Variants in RAB38 observed in about 807,000 individuals in gnomAD.
The protein encoded by RAB38 is ras-related protein Rab-38.
Under a neutral mutation model 18.4 loss-of-function variants are expected in RAB38, and 15 were observed. The observed-to-expected ratio is 0.82, with a 90% confidence interval of 0.55 to 1.26. The LOEUF (loss-of-function observed/expected upper bound fraction) is 1.26. Among genes scored for constraint, RAB38 ranks in the 50% most tolerant of loss-of-function variants. The probability of loss-of-function intolerance (pLI) is 0.00; values close to 1 mark genes in which losing one functional copy is unlikely to be tolerated. For missense variants in RAB38, 294 were observed against 267.4 expected (o/e 1.10, Z -0.69); for synonymous variants, 101 against 104.4 (o/e 0.97, Z 0.20).
At chr11:88,032,627 C>T in the RAB38 span, among the ~76,000 whole-genome samples, 5,839 of 151,908 alleles carry the variant, frequency 0.038, 139 homozygotes, top group Middle Eastern at 0.068. Flanking sequence ...CATGAAAAAA[C>T]GCTCGCCATC....
the RAB38 span, among the ~76,000 whole-genome samples, chr11:88,010,011 T>C: frequency 4.6e-5 from 7 of 152,288 alleles, no homozygotes; most frequent in Non-Finnish European, 7.4e-5. Context: ...CTGAAGGTAA[T>C]TTTATATAAT....
At chr11:87,966,657 G>C in the RAB38 span, among the ~76,000 whole-genome samples, 1 of 152,104 alleles carries the variant, frequency 6.6e-6, no homozygotes, top group African/African-American at 2.4e-5. Context: ...TTTTGGACAA[G>C]GTACCAGATG....
At chr11:88,072,765 A>C in the RAB38 span, among the ~76,000 whole-genome samples, 5 of 152,178 alleles carry the variant, frequency 3.3e-5, no homozygotes, top group Admixed American at 6.5e-5. Flanking sequence ...AAAGAAAAAA[A>C]TATTTAAATC....
the RAB38 span, among the ~76,000 whole-genome samples, chr11:88,063,526 C>A: frequency 6.6e-6 from 1 of 152,094 alleles, no homozygotes; most frequent in Non-Finnish European, 1.5e-5. Flanking sequence ...GACAGTAAAG[C>A]CAGGGCTTAA....
chr11:88,068,308 G>A, the RAB38 span, among the ~76,000 whole-genome samples: 1 of 152,004 alleles, frequency 6.6e-6, no homozygotes, highest in South Asian at 2.1e-4. Flanking sequence ...TATAATCTGA[G>A]TTTTTTGTTA....
chr11:88,140,364 CCGCA>C, intron 2 of RAB38, among the ~76,000 whole-genome samples: 2 of 152,322 alleles, frequency 1.3e-5, no homozygotes, highest in South Asian at 4.1e-4. Context: ...CATAAATACT[CCGCA>C]CGGGCAGGGC....
At chr11:88,044,844 G>A in the RAB38 span, among the ~76,000 whole-genome samples, 143 of 151,998 alleles carry the variant, frequency 9.4e-4, no homozygotes, top group African/African-American at 3.2e-3. Flanking sequence ...CCGCCAGGCC[G>A]AGCCAGGTCC....
chr11:88,060,936 A>G, the RAB38 span, among the ~76,000 whole-genome samples: 2 of 152,208 alleles, frequency 1.3e-5, no homozygotes, highest in Non-Finnish European at 2.9e-5. Context: ...AAAACATTGT[A>G]CCTTTAAGGA....
chr11:88,011,285 T>C, the RAB38 span, among the ~76,000 whole-genome samples: 1 of 152,250 alleles, frequency 6.6e-6, no homozygotes, highest in Non-Finnish European at 1.5e-5. Context: ...CATTGCCAGA[T>C]GCAAGGAACA....
the RAB38 span, among the ~76,000 whole-genome samples, chr11:87,864,839 A>G: frequency 6.6e-6 from 1 of 151,774 alleles, no homozygotes; most frequent in Non-Finnish European, 1.5e-5. Context: ...GTTTAACTTA[A>G]TATCGCAGAC....
At chr11:87,908,091 C>T in the RAB38 span, among the ~76,000 whole-genome samples, 2 of 151,826 alleles carry the variant, frequency 1.3e-5, no homozygotes, top group Non-Finnish European at 2.9e-5. Context: ...GGTCATAAGA[C>T]TTAACATAAT....
chr11:87,947,470 A>G, the RAB38 span, among the ~76,000 whole-genome samples: 2 of 152,180 alleles, frequency 1.3e-5, no homozygotes, highest in African/African-American at 4.8e-5. Context: ...CCCCATGCCT[A>G]TGTCCTGAAT....
At chr11:87,914,943 C>A in the RAB38 span, among the ~76,000 whole-genome samples, 1 of 152,276 alleles carries the variant, frequency 6.6e-6, no homozygotes, top group East Asian at 1.9e-4. Context: ...AATGCAAAAG[C>A]CACAGAGGCT....
At chr11:87,841,217 A>T in the RAB38 span, among the ~76,000 whole-genome samples, 3 of 152,146 alleles carry the variant, frequency 2.0e-5, no homozygotes, top group African/African-American at 7.2e-5. Context: ...CATAATTCTC[A>T]TGTGTCATGA....
the RAB38 span, among the ~76,000 whole-genome samples, chr11:87,955,889 A>T: frequency 7.2e-6 from 1 of 139,434 alleles, no homozygotes; most frequent in Non-Finnish European, 1.6e-5. Flanking sequence ...ACACACACAC[A>T]CACACACACA....
the RAB38 span, among the ~76,000 whole-genome samples, chr11:88,041,495 A>G: frequency 5.7e-4 from 87 of 152,360 alleles, no homozygotes; most frequent in African/African-American, 2.1e-3. Flanking sequence ...AGTTTTACCC[A>G]AATGATTCAG....
At chr11:88,019,072 T>C in the RAB38 span, among the ~76,000 whole-genome samples, 3,467 of 152,114 alleles carry the variant, frequency 0.023, 128 homozygotes, top group African/African-American at 0.08. Flanking sequence ...AATGAAGTAC[T>C]CTGCAATTCA....
chr11:88,064,800 T>C, the RAB38 span, among the ~76,000 whole-genome samples: 1 of 152,242 alleles, frequency 6.6e-6, no homozygotes, highest in African/African-American at 2.4e-5. Context: ...TTTTCTCCAC[T>C]TTTTATTCCT....
the RAB38 span, among the ~76,000 whole-genome samples, chr11:87,966,162 G>A: frequency 6.6e-6 from 1 of 152,094 alleles, no homozygotes; most frequent in Non-Finnish European, 1.5e-5. Context: ...ATGGGCTGGA[G>A]GAACCTCAAC....
Sources: gnomAD v4.1 joint callset for allele counts (sites outside exome capture counted in the v4.1 genomes callset) on GRCh38, gnomAD v4.1.1 for gene constraint, MANE v1.5 for transcripts, NCBI Gene and HGNC (gene_info 2026-07-23, HGNC 2026-07-21) for gene names.